The following KCNQ5 variants were observed in gnomAD, a reference collection of about 807,000 sequenced individuals.
The protein encoded by KCNQ5 is potassium voltage-gated channel subfamily KQT member 5.
A neutral mutation model predicts 98.2 loss-of-function variants in KCNQ5; 30 were observed. The observed-to-expected ratio is 0.31, with a 90% CI of 0.23 to 0.41. The LOEUF (loss-of-function observed/expected upper bound fraction) is 0.41. Ranked by LOEUF, KCNQ5 falls within the 10% of genes least tolerant of loss-of-function variation. The pLI is 1.00. For synonymous variants in KCNQ5, 458 were observed against 449.4 expected (o/e 1.02, Z -0.24); for missense variants, 835 against 1,182.5 (o/e 0.71, Z 4.31).
chr6:72,903,626 TATTTGCATGG>T (rs1390796108), intron 1 of KCNQ5, among the ~76,000 whole-genome samples: 1 of 152,196 alleles, frequency 6.6e-6, no homozygotes, highest in African/African-American at 2.4e-5. Flanking sequence ...AATTTCCATG[TATTTGCATGG>T]TTTTGAAGGT....
At chr6:72,893,170 C>G (rs1022560960) in intron 1 of KCNQ5, among the ~76,000 whole-genome samples, 2 of 152,156 alleles carry the variant, frequency 1.3e-5, no homozygotes, top group African/African-American at 4.8e-5. Context: ...GATGTAAGGA[C>G]TGCTGGCAAG....
chr6:72,669,914 T>C (rs1767015100), intron 1 of KCNQ5, among the ~76,000 whole-genome samples: 1 of 151,354 alleles, frequency 6.6e-6, no homozygotes, highest in Non-Finnish European at 1.5e-5. Context: ...TCTTTCCTTT[T>C]TTTTTTTTTT....
At chr6:72,825,401 TTG>T (rs1202904158) in intron 1 of KCNQ5, among the ~76,000 whole-genome samples, 1 of 152,186 alleles carries the variant, frequency 6.6e-6, no homozygotes, top group Non-Finnish European at 1.5e-5. Context: ...GTAAGTATTT[TTG>T]TTTGTTTTAT....
At chr6:72,955,219 G>A (rs768811273) in intron 1 of KCNQ5, among the ~76,000 whole-genome samples, 1 of 152,138 alleles carries the variant, frequency 6.6e-6, no homozygotes, top group African/African-American at 2.4e-5. Flanking sequence ...AAGTGAACCT[G>A]CTTGTCCATT....
chr6:73,164,621 T>C lies in KCNQ5; in HGVS notation c.1469-5125T>C, dbSNP rs6931707. Among the ~76,000 whole-genome samples, 1,069 of 152,356 alleles carry C rather than the reference T, an allele frequency of 7.0e-3. 9 individuals are homozygous for C. Among genetic ancestry groups the C allele is most frequent in the African/African-American group, 0.024 (978 of 41,584 alleles). On this transcript the variant is annotated intron_variant, in intron 10 of 13. Transcript: ENST00000370398. ...TCTGGGATGTTCGCAGGTTCATTTATGTGTGAACAATATAGTTTCACTATC... is the reference window on the plus strand; with the variant it reads ...TCTGGGATGTTCGCAGGTTCATTTACGTGTGAACAATATAGTTTCACTATC...
intron 10 of KCNQ5, among the ~76,000 whole-genome samples, chr6:73,147,703 G>A (rs1215970793): frequency 6.6e-6 from 1 of 152,134 alleles, no homozygotes; most frequent in African/African-American, 2.4e-5. Flanking sequence ...TGAACACATT[G>A]TGAACAAATA....
intron 1 of KCNQ5, among the ~76,000 whole-genome samples, chr6:72,777,083 G>C (rs1367262470): frequency 1.3e-5 from 2 of 152,222 alleles, no homozygotes; most frequent in Non-Finnish European, 1.5e-5. Context: ...GCAGAATAGT[G>C]TAAGCAGGGA....
At chr6:72,729,867 A>C (rs1462787391) in intron 1 of KCNQ5, among the ~76,000 whole-genome samples, 1 of 152,206 alleles carries the variant, frequency 6.6e-6, no homozygotes, top group East Asian at 1.9e-4. Flanking sequence ...TACTGCCTTC[A>C]GTAGATATTA....
chr6:72,749,810 A>C (rs1246697471), intron 1 of KCNQ5, among the ~76,000 whole-genome samples: 1 of 152,066 alleles, frequency 6.6e-6, no homozygotes, highest in East Asian at 1.9e-4. Flanking sequence ...TTTTCTTTTC[A>C]TAGGACCTTT....
chr6:72,928,054 T>G (rs1266513125), intron 1 of KCNQ5, among the ~76,000 whole-genome samples: 1 of 152,118 alleles, frequency 6.6e-6, no homozygotes, highest in African/African-American at 2.4e-5. Flanking sequence ...AAATGTGTAC[T>G]GCTTGAGAAC....
intron 1 of KCNQ5, among the ~76,000 whole-genome samples, chr6:72,930,633 G>C (rs997675784): frequency 1.4e-5 from 2 of 139,212 alleles, no homozygotes; most frequent in African/African-American, 5.4e-5. Flanking sequence ...AGGTTAAATA[G>C]ATCTAATTTA....
At chr6:73,055,064 A>C in intron 3 of KCNQ5, 1 of 645,364 alleles carries the variant, frequency 1.5e-6, no homozygotes, top group Non-Finnish European at 2.9e-6. Context: ...GCTGAGAGCC[A>C]AATCAAGAAT....
intron 1 of KCNQ5, among the ~76,000 whole-genome samples, chr6:72,685,501 C>A (rs1338105006): frequency 6.6e-6 from 1 of 152,194 alleles, no homozygotes; most frequent in Non-Finnish European, 1.5e-5. Flanking sequence ...CAATTTCTTA[C>A]TCCAGAGTCA....
intron 5 of KCNQ5, among the ~76,000 whole-genome samples, chr6:73,089,753 T>G (rs940172599): frequency 4.9e-5 from 7 of 143,802 alleles, no homozygotes; most frequent in African/African-American, 1.8e-4. Flanking sequence ...TTCCTCTTTA[T>G]GGCTGAGTAG....
intron 5 of KCNQ5, among the ~76,000 whole-genome samples, chr6:73,102,380 C>T (rs9350488): frequency 0.74 from 111,786 of 152,052 alleles, 45,949 homozygotes; most frequent in South Asian, 0.94. Flanking sequence ...AAGGCAAAAA[C>T]GAACAAATGG....
At chr6:72,642,108 A>G (rs1322384332) in intron 1 of KCNQ5, among the ~76,000 whole-genome samples, 1 of 150,326 alleles carries the variant, frequency 6.7e-6, no homozygotes, top group Non-Finnish European at 1.5e-5. Flanking sequence ...GTTATTATAC[A>G]TGGCTATTGC....
intron 1 of KCNQ5, among the ~76,000 whole-genome samples, chr6:72,767,669 A>G (rs1582252280): frequency 6.6e-6 from 1 of 152,050 alleles, no homozygotes; most frequent in African/African-American, 2.4e-5. Flanking sequence ...TTAACAAATG[A>G]GTGAAGGATC....
chr6:72,992,799 G>A (rs375459619), intron 1 of KCNQ5, among the ~76,000 whole-genome samples: 7 of 109,192 alleles, frequency 6.4e-5, no homozygotes, highest in South Asian at 3.3e-4. Context: ...GGCTGGTACC[G>A]GTTGTTCCTT....
intron 1 of KCNQ5, among the ~76,000 whole-genome samples, chr6:72,641,135 A>G (rs1314594506): frequency 6.6e-6 from 1 of 152,172 alleles, no homozygotes; most frequent in Non-Finnish European, 1.5e-5. Flanking sequence ...AGGATCTAAT[A>G]AGTGAATAGA....
Sources: gnomAD v4.1 joint callset for allele counts (sites outside exome capture counted in the v4.1 genomes callset) on GRCh38, gnomAD v4.1.1 for gene constraint, MANE v1.5 for transcripts, NCBI Gene and HGNC (gene_info 2026-07-23, HGNC 2026-07-21) for gene names.